The following ANKMY1 variants were observed in gnomAD, a reference collection of about 807,000 sequenced individuals.
The protein encoded by ANKMY1 is ankyrin repeat and MYND domain containing 1, also known as ankyrin repeat and MYND domain-containing protein 1.
Under a neutral mutation model 102.0 loss-of-function variants are expected in ANKMY1, and 98 were observed. That is an observed-to-expected ratio of 0.96 (90% CI 0.82 to 1.14). The LOEUF (loss-of-function observed/expected upper bound fraction) is 1.14. ANKMY1 is among the 50% of genes most tolerant of loss of function. ANKMY1 has a pLI of 0.00. For missense variants in ANKMY1, 1,330 were observed against 1,347.6 expected (o/e 0.99, Z 0.20); for synonymous variants, 582 against 559.9 (o/e 1.04, Z -0.56).
At chr2:240,541,979 G>A (rs1257460606) in intron 4 of ANKMY1, among the ~76,000 whole-genome samples, 2 of 152,116 alleles carry the variant, frequency 1.3e-5, no homozygotes, top group East Asian at 3.9e-4. Context: ...AGAGGCCAAG[G>A]TGGGCAGATC....
At chr2:240,545,431 G>A (rs1410650615) in intron 4 of ANKMY1, among the ~76,000 whole-genome samples, 1 of 152,208 alleles carries the variant, frequency 6.6e-6, no homozygotes, top group Non-Finnish European at 1.5e-5. Flanking sequence ...AGAAAAACTG[G>A]AAACTCTAAA....
intron 4 of ANKMY1, among the ~76,000 whole-genome samples, chr2:240,545,631 A>G (rs952952373): frequency 6.6e-6 from 1 of 152,194 alleles, no homozygotes; most frequent in Non-Finnish European, 1.5e-5. Flanking sequence ...AGAAGAATGT[A>G]TAACTAGAAT....
At chr2:240,524,484 T>C (rs2082959220) in intron 7 of ANKMY1, 103 bp from the exon 8 acceptor site, 2 of 1,324,570 alleles carry the variant, frequency 1.5e-6, no homozygotes, top group East Asian at 4.8e-5. Context: ...TAGAGCTGTC[T>C]TCAAAGCAGC....
chr2:240,492,057 C>G (rs1234994834), intron 15 of ANKMY1, among the ~76,000 whole-genome samples: 11 of 151,950 alleles, frequency 7.2e-5, no homozygotes, highest in Admixed American at 7.2e-4. Context: ...GTCACCCAGG[C>G]TGGAGTGCAG....
chr2:240,525,349 G>T (rs4384788), intron 7 of ANKMY1, among the ~76,000 whole-genome samples: 104,756 of 152,198 alleles, frequency 0.69, 36,259 homozygotes, highest in East Asian at 0.85. Context: ...GCCAGGAAAC[G>T]GTTAGGCATG....
chr2:240,515,541 A>G (rs2081043628), intron 9 of ANKMY1, among the ~76,000 whole-genome samples: 1 of 152,152 alleles, frequency 6.6e-6, no homozygotes, highest in African/African-American at 2.4e-5. Flanking sequence ...TCTCAAAAAA[A>G]AAGAAAAAGA....
At chr2:240,484,739 G>T (rs2075843161) in intron 15 of ANKMY1, among the ~76,000 whole-genome samples, 2 of 152,148 alleles carry the variant, frequency 1.3e-5, no homozygotes, top group African/African-American at 2.4e-5. Flanking sequence ...CACAGCAAAG[G>T]AAACTATCAT....
At position 240,529,589 on chromosome 2, in the gene ANKMY1, A is replaced by C. The variant is rs192111783; in HGVS notation, c.481-80T>G. 4.9e-4 allele frequency: 658 copies of C among 1,339,344 alleles called. 4 individuals are homozygous for C. In the African/African-American group the frequency reaches 8.9e-3, roughly 18 times the overall value. The allele number at this position is 1,339,344 out of a possible 1,614,324, so 83.0% of individuals were successfully genotyped here. A position where few individuals can be genotyped will look rare whatever the true frequency, so the allele number is the denominator to read the frequency against. ...TGATCATGTTTGTAACGTCAAAAGA[A>C]ATCCCAAAAAAGAAAACTTTCCCAA... On this transcript the variant is annotated intron_variant, in intron 4 of 17. Coordinates refer to ENST00000401804, the MANE Select transcript of ANKMY1 (RefSeq NM_001282771.3). This position sits in a 1 kb window ranked among gnomAD's most constrained non-coding sequence, Gnocchi z 4.2.
At chr2:240,531,319 G>A (rs1038079506) in intron 4 of ANKMY1, among the ~76,000 whole-genome samples, 24 of 152,196 alleles carry the variant, frequency 1.6e-4, no homozygotes, top group Non-Finnish European at 3.1e-4. Context: ...CGCTTTGAAT[G>A]ACAGTTTGGC....
At chr2:240,493,468 T>C (rs748831815) in intron 15 of ANKMY1, among the ~76,000 whole-genome samples, 91 of 152,364 alleles carry the variant, frequency 6.0e-4, no homozygotes, top group Non-Finnish European at 1.2e-3. Context: ...TGCTTTTTCC[T>C]ATTTTTATTT....
chr2:240,517,881 A>AG (rs1378906589), intron 9 of ANKMY1, among the ~76,000 whole-genome samples: 2 of 152,170 alleles, frequency 1.3e-5, no homozygotes, highest in African/African-American at 2.4e-5. Flanking sequence ...TTTTGCAGGT[A>AG]GGTTGTTCTT....
Position 240,499,928 on chromosome 2 carries a change from G to A in ANKMY1, c.2806+30C>T. On this transcript the variant is annotated intron_variant, in intron 15 of 17. Transcript: ENST00000401804. This position sits in a 1 kb window ranked among gnomAD's most constrained non-coding sequence, Gnocchi z 4.2. The stretch of plus-strand genomic sequence containing the variant: ...CACGAGGCCGGAACGCCGCCCTGTG[G>A]AGCAGAGCAGAGCAGGGCCCACTGC... 1.3e-6 allele frequency: 2 copies of A among 1,587,790 alleles called. No homozygotes were observed. The highest frequency in any genetic ancestry group is 1.7e-6 in the Non-Finnish European group (2 of 1,162,344).
chr2:240,509,340 A>G lies in ANKMY1; in HGVS notation c.2394+8T>C. On this transcript the variant is annotated splice_region_variant and intron_variant, in intron 12 of 17. Coordinates refer to ENST00000401804, the MANE Select transcript of ANKMY1 (RefSeq NM_001282771.3). The stretch of plus-strand genomic sequence containing the variant: ...GTGCACAGGTCTGTGGGTACAGAAC[A>G]TGCTCACCAGCTCATTCCCACTGGC... The G allele has an allele frequency of 3.1e-6, 5 of 1,608,002 alleles. No homozygotes were observed. Among genetic ancestry groups the G allele is most frequent in the Non-Finnish European group, 4.3e-6 (5 of 1,175,276 alleles).
chr2:240,528,998 T>C, intron 5 of ANKMY1, 39 bp downstream of exon 5: 1 of 1,593,726 alleles, frequency 6.3e-7, no homozygotes, highest in South Asian at 1.1e-5. Flanking sequence ...GCCTGCACAG[T>C]GCACGGCCCT....
upstream of ANKMY1, chr2:240,560,539 A>G (rs945631316): frequency 5.1e-6 from 6 of 1,185,172 alleles, no homozygotes; most frequent in African/African-American, 6.4e-5. Flanking sequence ...GGGGGACCCA[A>G]GCCCCAGCCT....
chr2:240,483,498 T>C (rs528842085), intron 15 of ANKMY1, among the ~76,000 whole-genome samples: 4 of 152,354 alleles, frequency 2.6e-5, no homozygotes, highest in African/African-American at 9.6e-5. Flanking sequence ...AAACAGCACA[T>C]AGATGGATCT....
chr2:240,470,024 C>G, the ANKMY1 span, among the ~76,000 whole-genome samples: 1 of 152,234 alleles, frequency 6.6e-6, no homozygotes, highest in African/African-American at 2.4e-5. Context: ...GCACACATTA[C>G]ATACATGCAC....
intron 13 of ANKMY1, 71 bp downstream of exon 13, chr2:240,507,489 C>G (rs988862679): frequency 6.6e-7 from 1 of 1,515,116 alleles, no homozygotes; most frequent in East Asian, 2.4e-5. Context: ...AGCCCTCACA[C>G]CCCTCACTCA....
At chr2:240,551,789 G>C (rs956981288) in intron 4 of ANKMY1, among the ~76,000 whole-genome samples, 7 of 152,110 alleles carry the variant, frequency 4.6e-5, no homozygotes, top group Non-Finnish European at 8.8e-5. Flanking sequence ...AAACAAAAAG[G>C]GGGGACTGAA....
Sources: allele counts gnomAD v4.1 joint callset (sites outside exome capture counted in the v4.1 genomes callset), GRCh38; gene constraint gnomAD v4.1.1; non-coding constraint Gnocchi (gnomAD v3.1); transcripts MANE v1.5; gene names NCBI Gene and HGNC (gene_info 2026-07-23, HGNC 2026-07-21).